The following UTP6 variants were observed in gnomAD, a reference collection of about 807,000 sequenced individuals.
UTP6 encodes U3 small nucleolar RNA-associated protein 6 homolog.
In UTP6, 60 loss-of-function variants were observed where a neutral mutation model predicts 96.5. The ratio of observed to expected loss-of-function variants is 0.62; its 90% confidence interval spans 0.51 to 0.77. The LOEUF (loss-of-function observed/expected upper bound fraction) is 0.77. UTP6 is among the 30% of genes least tolerant of loss of function. UTP6 has a pLI of 0.00. For synonymous variants in UTP6, 215 were observed against 240.1 expected (o/e 0.90, Z 0.96); for missense variants, 637 against 706.5 (o/e 0.90, Z 1.12).
intron 7 of UTP6, chr17:31,888,211 G>A (rs1258469565): frequency 1.3e-5 from 2 of 151,748 alleles, no homozygotes; most frequent in Non-Finnish European, 2.9e-5. Flanking sequence ...GGAAGACAAG[G>A]CAAAGAAGCC....
intron 12 of UTP6, 43 bp from the exon 13 acceptor site, chr17:31,878,370 C>T: frequency 1.3e-6 from 2 of 1,592,220 alleles, no homozygotes; most frequent in Non-Finnish European, 1.7e-6. Context: ...AAGATCCCAG[C>T]AGGGGCCTCT....
rs1911024255 is a variant in UTP6 at position 31,884,378 on chromosome 17, C to T, written c.785+46G>A. On this transcript the variant is annotated intron_variant, in intron 10 of 18. Transcript: ENST00000261708. ...ATATCCAACCTCAAACCCTTAATCT[C>T]AAGATCAGAAATAGATATATTCACC... is the stretch of plus-strand genomic sequence containing the variant. 7 of 1,457,708 alleles carry T rather than the reference C, an allele frequency of 4.8e-6. 1 individual carries two copies. The Admixed American group carries it at 1.0e-4, about 21-fold the overall frequency. 90.3% of individuals were successfully genotyped at this position (1,457,708 alleles called of 1,614,324 possible). A position where few individuals can be genotyped will look rare whatever the true frequency, so the allele number is the denominator to read the frequency against.
intron 7 of UTP6, among the ~76,000 whole-genome samples, chr17:31,888,656 C>G (rs1366582626): frequency 6.6e-6 from 1 of 152,090 alleles, no homozygotes; most frequent in African/African-American, 2.4e-5. Context: ...GACCGGGCCA[C>G]TACACTCCAG....
chr17:31,868,090 A>G lies in UTP6; in HGVS notation c.1519T>C (p.Ser507Pro). ...ATCATTTTCCTGAAAAAGTCAACTG[A>G]AAATGGTCGGCTCTCCTGTAAACTA... ...FKSLQESRPFSVDFFRKMIQF... is the reference protein window; with the variant it reads ...FKSLQESRPFPVDFFRKMIQF... The change falls in exon 17 of 19, where the codon TCA becomes CCA. Residue 507 changes from serine to proline, a missense_variant. Transcript: ENST00000261708. 1 of 1,613,360 alleles carries G rather than the reference A, an allele frequency of 6.2e-7. No homozygotes were observed.
intron 11 of UTP6, 50 bp from the exon 12 acceptor site, chr17:31,878,831 C>G (rs760342933): frequency 3.3e-6 from 5 of 1,519,422 alleles, no homozygotes; most frequent in Non-Finnish European, 4.6e-6. Flanking sequence ...GTTCAACATT[C>G]ATCACATCAA....
intron 6 of UTP6, among the ~76,000 whole-genome samples, chr17:31,891,824 A>G (rs1904337650): frequency 6.6e-6 from 1 of 152,146 alleles, no homozygotes; most frequent in South Asian, 2.1e-4. Context: ...GGTTCGAGAG[A>G]CCAGCCTGAC....
chr17:31,876,421 G>A (rs1187139946), intron 13 of UTP6, among the ~76,000 whole-genome samples: 1 of 150,682 alleles, frequency 6.6e-6, no homozygotes, highest in Non-Finnish European at 1.5e-5. Context: ...GAGGCAGGCA[G>A]ATCACCTAAG....
At chr17:31,871,349 T>C (rs1311033516) in intron 16 of UTP6, among the ~76,000 whole-genome samples, 2 of 152,108 alleles carry the variant, frequency 1.3e-5, no homozygotes, top group African/African-American at 2.4e-5. Context: ...TCTCAAATGC[T>C]TGGGATCAAG....
chr17:31,878,672 TCAACCACTGTAAC>T lies in UTP6; in HGVS notation c.1047+17_1047+29del, dbSNP rs772339769. On this transcript the variant is annotated intron_variant, in intron 12 of 18. Coordinates refer to ENST00000261708, the MANE Select transcript of UTP6 (RefSeq NM_018428.3). ...CTTTCAGAAGGCAGTCACTATCTAG[TCAACCACTGTAAC>T]CATGTAACAACCTCACCTTCCCTCT... 3.1e-6 allele frequency: 5 copies of T among 1,596,618 alleles called. No homozygotes were observed. The South Asian group carries it at 5.5e-5, about 18-fold the overall frequency.
chr17:31,892,823 CCAAA>C (rs1904402248), intron 4 of UTP6, 29 bp from the exon 5 acceptor site: 2 of 1,613,374 alleles, frequency 1.2e-6, no homozygotes, highest in Non-Finnish European at 1.7e-6. Flanking sequence ...AGTAAGCTGC[CCAAA>C]TTTGACCTTT....
rs551802576 is a variant in UTP6, at chr17:31,874,423, C to T, written c.1306-670G>A. The T allele has an allele frequency of 2.0e-5, 3 of 152,110 alleles. No individual in the cohort carries two copies. The South Asian group carries it at 6.2e-4, about 32-fold the overall frequency. 9.4% of individuals were successfully genotyped at this position (152,110 alleles called of 1,614,324 possible). On this transcript the variant is annotated intron_variant, in intron 14 of 18. Transcript: ENST00000261708. ...TAGCTGGGCATGGTGGTGGGCACTT[C>T]TTATCCCAGCTACTTGGGAGGCTGA... is the stretch of plus-strand genomic sequence containing the variant.
At chr17:31,867,361 A>G (rs572493261) in intron 17 of UTP6, among the ~76,000 whole-genome samples, 2 of 151,944 alleles carry the variant, frequency 1.3e-5, no homozygotes, top group East Asian at 2.0e-4. Flanking sequence ...TACAGAAATT[A>G]GCAGGGCGTG....
intron 13 of UTP6, among the ~76,000 whole-genome samples, chr17:31,876,942 G>A (rs1335097514): frequency 6.6e-6 from 1 of 152,152 alleles, no homozygotes; most frequent in African/African-American, 2.4e-5. Flanking sequence ...AACCTGGGAG[G>A]AGGAAGTTGC....
chr17:31,898,755 G>T (rs575905372), intron 2 of UTP6, among the ~76,000 whole-genome samples: 13 of 151,536 alleles, frequency 8.6e-5, no homozygotes, highest in African/African-American at 3.1e-4. Context: ...GTAAGGCTAG[G>T]ACCGAGCATG....
At chr17:31,880,010 G>A (rs1464029499) in intron 11 of UTP6, among the ~76,000 whole-genome samples, 1 of 152,006 alleles carries the variant, frequency 6.6e-6, no homozygotes, top group Non-Finnish European at 1.5e-5. Context: ...GGAGGATGAG[G>A]CAGGACAATC....
At chr17:31,888,894 A>T (rs1298382939) in intron 7 of UTP6, among the ~76,000 whole-genome samples, 1 of 151,644 alleles carries the variant, frequency 6.6e-6, no homozygotes, top group Non-Finnish European at 1.5e-5. Context: ...ACATGGTAAA[A>T]CCCCATCCCT....
intron 18 of UTP6, among the ~76,000 whole-genome samples, chr17:31,864,287 T>C (rs1909695119): frequency 5.3e-5 from 8 of 152,126 alleles, no homozygotes; most frequent in Admixed American, 5.2e-4. Flanking sequence ...CTTGGGAGGC[T>C]GAGGCACGAG....
chr17:31,869,324 T>A (rs1331122682), intron 16 of UTP6, among the ~76,000 whole-genome samples: 1 of 151,280 alleles, frequency 6.6e-6, no homozygotes, highest in South Asian at 2.1e-4. Flanking sequence ...GCAAACTGCA[T>A]CTGGCTAATT....
At chr17:31,887,475 G>C (rs1715779312) in intron 7 of UTP6, 162 bp from the exon 8 acceptor site, 1 of 594,980 alleles carries the variant, frequency 1.7e-6, no homozygotes, top group East Asian at 2.8e-5. Context: ...AGCTTCCTGA[G>C]TAGCTAGGAT....
Sources: gnomAD v4.1 joint callset for allele counts (sites outside exome capture counted in the v4.1 genomes callset) on GRCh38, gnomAD v4.1.1 for gene constraint, MANE v1.5 for transcripts, NCBI Gene and HGNC (gene_info 2026-07-23, HGNC 2026-07-21) for gene names.